The following KLF16 variants were observed in gnomAD, a reference collection of about 807,000 sequenced individuals.
KLF16 encodes the protein Krueppel-like factor 16.
Under a neutral mutation model 6.1 loss-of-function variants are expected in KLF16, and 6 were observed. That is an observed-to-expected ratio of 0.98 (90% CI 0.54 to 1.93). The LOEUF (loss-of-function observed/expected upper bound fraction) is 1.93. KLF16 is among the 30% of genes most tolerant of loss of function. KLF16 has a pLI of 0.01. For synonymous variants in KLF16, 211 were observed against 176.5 expected, an observed-to-expected ratio of 1.20 and a Z score of -1.55; for missense variants, 355 against 363.8, an observed-to-expected ratio of 0.98 and a Z score of 0.20.
chr19:1,869,836 C>T, the KLF16 span, among the ~76,000 whole-genome samples: 2 of 152,150 alleles, frequency 1.3e-5, no homozygotes, highest in African/African-American at 4.8e-5. Context: ...TGATCTCCAA[C>T]TTCTGGGCTC....
At chr19:1,865,500 C>G (rs1599198103), upstream of KLF16, among the ~76,000 whole-genome samples, 1 of 152,262 alleles carries the variant, frequency 6.6e-6, no homozygotes, top group Admixed American at 6.5e-5. Flanking sequence ...GCAGAACCAA[C>G]CAGCCCTGCC....
At chr19:1,861,734 C>G (rs1308651951) in intron 1 of KLF16, 3 of 152,320 alleles carry the variant, frequency 2.0e-5, no homozygotes, top group Admixed American at 2.0e-4. Flanking sequence ...CTACACACCA[C>G]CGCCCCCACC....
At chr19:1,869,477 C>G in the KLF16 span, among the ~76,000 whole-genome samples, 2 of 152,134 alleles carry the variant, frequency 1.3e-5, no homozygotes, top group African/African-American at 4.8e-5. Flanking sequence ...GAAACTCCAG[C>G]TCAATAAAAA....
At chr19:1,865,458 T>G (rs944634971), upstream of KLF16, among the ~76,000 whole-genome samples, 1 of 152,210 alleles carries the variant, frequency 6.6e-6, no homozygotes, top group Non-Finnish European at 1.5e-5. Flanking sequence ...CACCCAACCA[T>G]GCGTCTTCCA....
At position 1,857,026 on chromosome 19, in the gene KLF16, G is replaced by A. The variant is rs1599192675; in HGVS notation, c.458-2266C>T. 6.7e-6 allele frequency among the ~76,000 whole-genome samples: 1 copy of A among 150,272 alleles called. No individual in the cohort carries two copies. Among genetic ancestry groups the A allele is most frequent in the African/African-American group, 2.5e-5 (1 of 40,310 alleles). On this transcript the variant is annotated intron_variant, in intron 1 of 1. Transcript: ENST00000250916. The surrounding 1 kb of genome is among the most constrained non-coding windows in gnomAD (Gnocchi z 4.7). ...CTGCCGCACGTAGCTCGGCGGCGGC[G>A]GCGGGGACATCCGCAGCCCCAGCCG... is the stretch of plus-strand genomic sequence containing the variant.
At chr19:1,855,696 T>C (rs919998882) in intron 1 of KLF16, among the ~76,000 whole-genome samples, 6 of 152,236 alleles carry the variant, frequency 3.9e-5, no homozygotes, top group Admixed American at 6.5e-5. Flanking sequence ...CCACAGCATG[T>C]GGCATCGTGA....
At chr19:1,864,080 A>C (rs1478011126), upstream of KLF16, among the ~76,000 whole-genome samples, 3 of 112,814 alleles carry the variant, frequency 2.7e-5, no homozygotes, top group Admixed American at 8.1e-5. Context: ...CCTCCCTCCC[A>C]GAGCGCGCCC....
intron 1 of KLF16, among the ~76,000 whole-genome samples, 193 bp from the exon 2 acceptor site, chr19:1,854,953 G>A (rs951150029): frequency 4.0e-4 from 61 of 152,110 alleles, no homozygotes; most frequent in African/African-American, 1.4e-3. Flanking sequence ...CCCAACACGA[G>A]ACCCTAATAA....
chr19:1,864,299 C>G (rs2012146404), upstream of KLF16, among the ~76,000 whole-genome samples: 1 of 152,150 alleles, frequency 6.6e-6, no homozygotes, highest in Admixed American at 6.5e-5. Flanking sequence ...CCTCTTCTCC[C>G]GGCCTGGGGC....
the KLF16 span, among the ~76,000 whole-genome samples, chr19:1,870,995 CAA>C: frequency 9.9e-5 from 15 of 151,156 alleles, no homozygotes; most frequent in African/African-American, 3.6e-4. Flanking sequence ...GACTCTGTCT[CAA>C]AAAAAAGAAA....
chr19:1,857,894 C>CA lies in KLF16; in HGVS notation c.458-3135dup, dbSNP rs1296207536. ...GAGCAGGTTCTATAGAACCTATAGG[C>CA]AGCTGCTTCTGGGAGCCGCTGCAGA... On this transcript the variant is annotated intron_variant, in intron 1 of 1. Coordinates refer to ENST00000250916, the MANE Select transcript of KLF16 (RefSeq NM_031918.4). The surrounding 1 kb of genome is among the most constrained non-coding windows in gnomAD (Gnocchi z 4.7). 6.6e-6 allele frequency among the ~76,000 whole-genome samples: 1 copy of CA among 152,034 alleles called. No individual in the cohort carries two copies. Among genetic ancestry groups the CA allele is most frequent in the African/African-American group, 2.4e-5 (1 of 41,366 alleles).
At chr19:1,868,461 CTTTTTTTTTTTTTTTTTTTT>C (rs762308559), upstream of KLF16, among the ~76,000 whole-genome samples, 41,313 of 108,900 alleles carry the variant, frequency 0.38, 8,641 homozygotes, top group Non-Finnish European at 0.53. Flanking sequence ...CAGATTAGGG[CTTTTTTTTTTTTTTTTTTTT>C]TTTTTTTTTT....
intron 1 of KLF16, among the ~76,000 whole-genome samples, chr19:1,856,555 C>G (rs11666480): frequency 0.39 from 59,609 of 152,010 alleles, 13,542 homozygotes; most frequent in Non-Finnish European, 0.53. Flanking sequence ...CAAGTCTCCC[C>G]CAAGCAACCC....
At position 1,857,798 on chromosome 19, in the gene KLF16, C is replaced by G. The variant is rs917766273; in HGVS notation, c.458-3038G>C. Among the ~76,000 whole-genome samples, 2 of 152,080 alleles carry G rather than the reference C, an allele frequency of 1.3e-5. No homozygotes were observed. The highest frequency in any genetic ancestry group is 1.3e-4 in the Admixed American group (2 of 15,294). ...CCGCAAAGCAAGCATCCCAGGAGAG[C>G]CAGGAAAGGCTGGGGCTGGGGAGGC... On this transcript the variant is annotated intron_variant, in intron 1 of 1. Transcript: ENST00000250916. This position sits in a 1 kb window ranked among gnomAD's most constrained non-coding sequence, Gnocchi z 4.7.
intron 1 of KLF16, among the ~76,000 whole-genome samples, chr19:1,859,818 C>A (rs1484521494): frequency 6.6e-6 from 1 of 152,122 alleles, no homozygotes; most frequent in Non-Finnish European, 1.5e-5. Context: ...CTGGGGGTGA[C>A]CCTGCAGCCC....
intron 1 of KLF16, among the ~76,000 whole-genome samples, chr19:1,858,189 T>C (rs1014098325): frequency 2.6e-5 from 4 of 152,012 alleles, no homozygotes; most frequent in Admixed American, 1.3e-4. Context: ...TCCCATCACC[T>C]TCGGGATCCG....
chr19:1,873,096 G>C, the KLF16 span, among the ~76,000 whole-genome samples: 1 of 152,188 alleles, frequency 6.6e-6, no homozygotes, highest in African/African-American at 2.4e-5. Flanking sequence ...AGCCAAGCAG[G>C]GATGGTCTCC....
rs964887670 is a variant in KLF16, at chr19:1,856,961, G to T, written c.458-2201C>A. 4.4e-5 allele frequency among the ~76,000 whole-genome samples: 6 copies of T among 137,366 alleles called. 1 individual carries two copies. The highest frequency in any genetic ancestry group is 9.2e-5 in the African/African-American group (3 of 32,618). The allele number at this position is 137,366 out of a possible 152,430, so 90.1% of individuals were successfully genotyped here. A position where few individuals can be genotyped will look rare whatever the true frequency, so the allele number is the denominator to read the frequency against. On this transcript the variant is annotated intron_variant, in intron 1 of 1. Transcript: ENST00000250916. ...GAGGAGCAGGTTGCCGGGGTGGGGG[G>T]GGCGACCGGGGCAGGGGCGCGCAGC...
chr19:1,870,989 CTG>C, the KLF16 span, among the ~76,000 whole-genome samples: 1 of 152,148 alleles, frequency 6.6e-6, no homozygotes, highest in Non-Finnish European at 1.5e-5. Flanking sequence ...GAGTGAGACT[CTG>C]TCTCAAAAAA....
Sources: gnomAD v4.1 joint callset for allele counts (sites outside exome capture counted in the v4.1 genomes callset) on GRCh38, gnomAD v4.1.1 for gene constraint, Gnocchi (gnomAD v3.1) non-coding constraint, MANE v1.5 for transcripts, NCBI Gene and HGNC (gene_info 2026-07-23, HGNC 2026-07-21) for gene names.